Variants in OPCML observed in about 807,000 individuals in gnomAD.
OPCML encodes the protein opioid-binding protein/cell adhesion molecule.
Under a neutral mutation model 37.8 loss-of-function variants are expected in OPCML, and 13 were observed. The ratio of observed to expected loss-of-function variants is 0.34; its 90% CI spans 0.22 to 0.55. The LOEUF is 0.55. Ranked by LOEUF, OPCML falls within the 20% of genes least tolerant of loss-of-function variation. The probability of loss-of-function intolerance (pLI) is 0.91; values close to 1 mark genes in which losing one functional copy is unlikely to be tolerated. For missense variants in OPCML, 341 were observed against 435.6 expected, an observed-to-expected ratio of 0.78 and a Z score of 1.93; for synonymous variants, 176 against 168.8, an observed-to-expected ratio of 1.04 and a Z score of -0.33.
At chr11:132,600,311 C>T (rs1030451222) in intron 3 of OPCML, among the ~76,000 whole-genome samples, 1 of 152,212 alleles carries the variant, frequency 6.6e-6, no homozygotes, top group Admixed American at 6.5e-5. Flanking sequence ...TTTCGGCCAG[C>T]CTTCATCTTT....
chr11:133,112,742 C>G (rs554780097), intron 1 of OPCML, among the ~76,000 whole-genome samples: 1 of 152,268 alleles, frequency 6.6e-6, no homozygotes, highest in South Asian at 2.1e-4. Flanking sequence ...CATCACACCT[C>G]CCCCTGCCTT....
chr11:132,682,218 AG>A (rs1431566256), intron 2 of OPCML, among the ~76,000 whole-genome samples: 1 of 152,146 alleles, frequency 6.6e-6, no homozygotes, highest in African/African-American at 2.4e-5. Flanking sequence ...CTGGTAAGCA[AG>A]GCACCCTCGT....
At chr11:133,054,808 C>A (rs1565421453) in intron 1 of OPCML, among the ~76,000 whole-genome samples, 1 of 152,070 alleles carries the variant, frequency 6.6e-6, no homozygotes, top group African/African-American at 2.4e-5. Flanking sequence ...TACAATGCTG[C>A]CTCCATGATA....
intron 1 of OPCML, chr11:133,422,834 C>A (rs1945920561): frequency 3.3e-6 from 3 of 918,598 alleles, no homozygotes; most frequent in South Asian, 5.0e-5. Flanking sequence ...TATTCTCAAA[C>A]CCAAATAATT....
intron 1 of OPCML, among the ~76,000 whole-genome samples, chr11:133,449,165 T>C (rs145872352): frequency 6.6e-6 from 1 of 152,352 alleles, no homozygotes; most frequent in African/African-American, 2.4e-5. Flanking sequence ...AGAAATGACA[T>C]GATCATAGAA....
intron 1 of OPCML, among the ~76,000 whole-genome samples, chr11:133,015,353 GAGGAAGGAAGGGAGGAATGA>G (rs1208184038): frequency 1.5e-5 from 2 of 130,244 alleles, no homozygotes; most frequent in Non-Finnish European, 3.3e-5. Context: ...GGGAGGGAGG[GAGGAAGGAAGGGAGGAATGA>G]AGGAAGGAAG....
At chr11:132,448,601 A>G (rs1464873562) in intron 4 of OPCML, among the ~76,000 whole-genome samples, 4 of 152,178 alleles carry the variant, frequency 2.6e-5, no homozygotes, top group Admixed American at 2.0e-4. Context: ...ACCTTGTGCT[A>G]TTCTAGGCAA....
Position 133,003,876 on chromosome 11 carries a change from C to A in OPCML, c.62-60866G>T, listed in dbSNP as rs1305183953. 4.1e-6 allele frequency: 4 copies of A among 985,290 alleles called. No individual in the cohort carries two copies. The African/African-American group carries it at 7.0e-5, about 17-fold the overall frequency. 61.0% of individuals were successfully genotyped at this position (985,290 alleles called of 1,614,324 possible). A position where few individuals can be genotyped will look rare whatever the true frequency, so the allele number is the denominator to read the frequency against. On this transcript the variant is annotated intron_variant, in intron 1 of 7. Coordinates refer to ENST00000524381, the MANE Select transcript of OPCML (RefSeq NM_001012393.5). ...TGCCATCCACCGTGTGCCCTCGACCCCTTTTGACAGTTGTCAGGATCCCCG... is the reference window on the plus strand; with the variant it reads ...TGCCATCCACCGTGTGCCCTCGACCACTTTTGACAGTTGTCAGGATCCCCG...
chr11:133,273,962 CATGATATAATTTTT>C (rs1435115495), intron 1 of OPCML, among the ~76,000 whole-genome samples: 3 of 152,184 alleles, frequency 2.0e-5, no homozygotes, highest in Non-Finnish European at 2.9e-5. Flanking sequence ...ACAATAACAT[CATGATATAATTTTT>C]ACTATTATAC....
intron 1 of OPCML, among the ~76,000 whole-genome samples, chr11:133,530,246 G>A (rs1948577702): frequency 6.6e-6 from 1 of 152,202 alleles, no homozygotes; most frequent in Non-Finnish European, 1.5e-5. Flanking sequence ...CCAGTGCAGT[G>A]CCACGGGACC....
chr11:132,436,406 G>A, intron 6 of OPCML, 169 bp from the exon 7 acceptor site: 3 of 980,368 alleles, frequency 3.1e-6, no homozygotes, highest in Non-Finnish European at 3.6e-6. Flanking sequence ...TAAATGTACT[G>A]GCTTCTAATT....
At chr11:132,600,876 G>A (rs1937831959) in intron 3 of OPCML, among the ~76,000 whole-genome samples, 1 of 125,396 alleles carries the variant, frequency 8.0e-6, no homozygotes, top group South Asian at 2.6e-4. Flanking sequence ...TAGAGACACG[G>A]TCTCTATATT....
chr11:132,881,426 C>G (rs1369705751), intron 2 of OPCML, among the ~76,000 whole-genome samples: 2 of 152,208 alleles, frequency 1.3e-5, no homozygotes, highest in East Asian at 3.9e-4. Context: ...GCTGAAGGAC[C>G]CTCAGGAGGA....
At chr11:133,506,407 G>T (rs957799456) in intron 1 of OPCML, among the ~76,000 whole-genome samples, 3 of 152,194 alleles carry the variant, frequency 2.0e-5, no homozygotes, top group Non-Finnish European at 4.4e-5. Flanking sequence ...CAGGGGTAAT[G>T]AGCGCGGGGG....
chr11:132,973,908 G>A (rs530903274), intron 1 of OPCML, among the ~76,000 whole-genome samples: 3 of 152,142 alleles, frequency 2.0e-5, no homozygotes, highest in East Asian at 1.9e-4. Context: ...GAGAAAGCAC[G>A]GAGTGGATCT....
intron 1 of OPCML, among the ~76,000 whole-genome samples, chr11:133,255,318 G>A (rs2136443298): frequency 6.6e-6 from 1 of 152,220 alleles, no homozygotes; most frequent in Non-Finnish European, 1.5e-5. Flanking sequence ...GTCAGGGCAT[G>A]GCACACATAG....
In OPCML at chr11:132,923,755, A is replaced by ATTTTTTTT. The variant is rs71038509; in HGVS notation, c.146+19163_146+19170dup. On this transcript the variant is annotated intron_variant, in intron 2 of 7. Coordinates refer to ENST00000524381, the MANE Select transcript of OPCML (RefSeq NM_001012393.5). ...GCGAAGTATCACAGAAGTTACTTGAATTTTTTTTTTTTTTTTTTTTTTTTT... is the reference window on the plus strand; with the variant it reads ...GCGAAGTATCACAGAAGTTACTTGAATTTTTTTTTTTTTTTTTTTTTTTTTTTTTTTTT... Among the ~76,000 whole-genome samples the ATTTTTTTT allele has an allele frequency of 2.1e-4, 19 of 92,100 alleles. 1 individual carries two copies. The highest frequency in any genetic ancestry group is 9.6e-4 in the South Asian group (2 of 2,080). The allele number at this position is 92,100 out of a possible 152,430, so 60.4% of individuals were successfully genotyped here. A position where few individuals can be genotyped will look rare whatever the true frequency, so the allele number is the denominator to read the frequency against.
At chr11:133,220,670 G>C (rs974797846) in intron 1 of OPCML, among the ~76,000 whole-genome samples, 3 of 152,170 alleles carry the variant, frequency 2.0e-5, no homozygotes, top group South Asian at 2.1e-4. Context: ...AAAATCACAG[G>C]TATGTATACT....
At chr11:133,499,464 G>C (rs4937783) in intron 1 of OPCML, among the ~76,000 whole-genome samples, 42,085 of 151,974 alleles carry the variant, frequency 0.28, 7,128 homozygotes, top group African/African-American at 0.47. Context: ...CCCCTCCTGT[G>C]GGGGAGAAAT....
Sources: gnomAD v4.1 joint callset for allele counts (sites outside exome capture counted in the v4.1 genomes callset) on GRCh38, gnomAD v4.1.1 for gene constraint, MANE v1.5 for transcripts, NCBI Gene and HGNC (gene_info 2026-07-23, HGNC 2026-07-21) for gene names.